PRKG1: variants seen among roughly 807,000 people sequenced by gnomAD.
PRKG1 encodes protein kinase cGMP-dependent 1, also known as cGMP-dependent protein kinase 1.
PRKG1 carries 35 observed loss-of-function variants against 88.1 expected under a neutral mutation model. The observed-to-expected ratio is 0.40, with a 90% CI of 0.30 to 0.53. The LOEUF is 0.53. Among genes scored for constraint, PRKG1 ranks in the 20% least tolerant of loss-of-function variants. PRKG1 has a pLI of 0.59. For synonymous variants in PRKG1, 303 were observed against 292.5 expected (o/e 1.04, Z -0.37); for missense variants, 540 against 839.8 (o/e 0.64, Z 4.41).
intron 1 of PRKG1, among the ~76,000 whole-genome samples, chr10:51,056,617 G>A (rs1843629153): frequency 1.3e-5 from 2 of 152,060 alleles, no homozygotes; most frequent in African/African-American, 4.8e-5. Flanking sequence ...TTGACATCAT[G>A]CTGTTGGAAT....
At chr10:51,264,773 G>C (rs1438678057) in intron 2 of PRKG1, among the ~76,000 whole-genome samples, 1 of 152,196 alleles carries the variant, frequency 6.6e-6, no homozygotes, top group Non-Finnish European at 1.5e-5. Flanking sequence ...ACATGTCTTT[G>C]AATGTTGTCT....
chr10:50,995,508 T>C (rs984293209), intron 1 of PRKG1, among the ~76,000 whole-genome samples: 2 of 152,194 alleles, frequency 1.3e-5, no homozygotes, highest in Non-Finnish European at 2.9e-5. Flanking sequence ...GCAAGCTGTT[T>C]TGGATGATGG....
chr10:52,096,077 T>A (rs1847164124), intron 7 of PRKG1, among the ~76,000 whole-genome samples: 1 of 152,132 alleles, frequency 6.6e-6, no homozygotes. Context: ...CATCTGTACT[T>A]AGAGGCTGTA....
intron 9 of PRKG1, among the ~76,000 whole-genome samples, chr10:52,214,685 G>A (rs2132810731): frequency 6.6e-6 from 1 of 152,226 alleles, no homozygotes; most frequent in Non-Finnish European, 1.5e-5. Context: ...TGAAAGGAGT[G>A]GCTGTGAAGA....
chr10:52,068,009 C>G (rs1393848193), intron 7 of PRKG1, among the ~76,000 whole-genome samples: 1 of 110,000 alleles, frequency 9.1e-6, no homozygotes, highest in African/African-American at 2.6e-5. Context: ...TCGAGACCAT[C>G]CTGGCTAACA....
intron 2 of PRKG1, among the ~76,000 whole-genome samples, chr10:51,212,778 C>A (rs1303248882): frequency 1.3e-5 from 2 of 152,178 alleles, no homozygotes; most frequent in Non-Finnish European, 2.9e-5. Context: ...TACCATCTCA[C>A]ACCAGTTAGA....
chr10:51,413,277 C>T (rs910116016), intron 2 of PRKG1, among the ~76,000 whole-genome samples: 8 of 152,130 alleles, frequency 5.3e-5, no homozygotes, highest in Admixed American at 1.3e-4. Context: ...CCCACATAAA[C>T]ACTAACACAA....
At chr10:52,104,266 A>G (rs1176629935) in intron 7 of PRKG1, among the ~76,000 whole-genome samples, 1 of 151,970 alleles carries the variant, frequency 6.6e-6, no homozygotes, top group African/African-American at 2.4e-5. Context: ...GATAAAATGC[A>G]TTTAACTTAC....
intron 2 of PRKG1, among the ~76,000 whole-genome samples, chr10:51,373,132 C>T (rs1369999874): frequency 4.6e-5 from 7 of 152,096 alleles, no homozygotes; most frequent in Admixed American, 4.6e-4. Context: ...GGCAATATAG[C>T]ATAGTGGTTT....
intron 3 of PRKG1, among the ~76,000 whole-genome samples, chr10:51,618,294 A>G (rs571011134): frequency 3.0e-4 from 46 of 152,304 alleles, no homozygotes; most frequent in African/African-American, 1.0e-3. Context: ...GGGAATAGCC[A>G]TGGTCCAGAA....
intron 1 of PRKG1, among the ~76,000 whole-genome samples, chr10:51,004,192 G>T (rs749722735): frequency 1.3e-5 from 2 of 152,096 alleles, no homozygotes; most frequent in Non-Finnish European, 2.9e-5. Context: ...GGCCGGGCAC[G>T]GTGGCTCATG....
At chr10:52,292,584 G>A (rs1316341174) in intron 17 of PRKG1, among the ~76,000 whole-genome samples, 28 of 149,530 alleles carry the variant, frequency 1.9e-4, no homozygotes, top group Admixed American at 6.0e-4. Context: ...GATATGCGGC[G>A]TTATTTCTGA....
intron 2 of PRKG1, among the ~76,000 whole-genome samples, chr10:51,204,974 A>G (rs892466274): frequency 6.6e-6 from 1 of 151,942 alleles, no homozygotes; most frequent in South Asian, 2.1e-4. Context: ...GTACTTTCCC[A>G]TGCTGTTGGA....
chr10:51,053,769 G>T (rs1436843960), intron 1 of PRKG1, among the ~76,000 whole-genome samples: 5 of 71,642 alleles, frequency 7.0e-5, no homozygotes, highest in African/African-American at 8.3e-5. Context: ...GTAGTTATGG[G>T]TTTTTTTTGT....
chr10:51,086,143 A>G (rs1165693472), intron 1 of PRKG1, among the ~76,000 whole-genome samples: 1 of 152,246 alleles, frequency 6.6e-6, no homozygotes, highest in Non-Finnish European at 1.5e-5. Flanking sequence ...ACAAATAAGT[A>G]GATGTTACTT....
intron 9 of PRKG1, among the ~76,000 whole-genome samples, chr10:52,181,025 T>C (rs1839010338): frequency 6.6e-6 from 1 of 152,174 alleles, no homozygotes; most frequent in Non-Finnish European, 1.5e-5. Flanking sequence ...TTGGCCAGCC[T>C]GGGTGTGTGT....
At chr10:51,915,743 C>T (rs1842325195) in intron 5 of PRKG1, among the ~76,000 whole-genome samples, 1 of 152,070 alleles carries the variant, frequency 6.6e-6, no homozygotes, top group Non-Finnish European at 1.5e-5. Flanking sequence ...TTACAAGACA[C>T]TTACAGCTTA....
chr10:51,230,391 T>C (rs942564107), intron 2 of PRKG1, among the ~76,000 whole-genome samples: 2 of 152,196 alleles, frequency 1.3e-5, no homozygotes, highest in African/African-American at 4.8e-5. Flanking sequence ...AAGTATTTAC[T>C]TTTCACATTA....
chr10:51,160,973 T>C (rs919055179), intron 2 of PRKG1, among the ~76,000 whole-genome samples: 6 of 152,112 alleles, frequency 3.9e-5, no homozygotes, highest in African/African-American at 1.4e-4. Context: ...TTAGATTATC[T>C]TTACATTGAT....
Sources: allele counts gnomAD v4.1 joint callset (sites outside exome capture counted in the v4.1 genomes callset), GRCh38; gene constraint gnomAD v4.1.1; transcripts MANE v1.5; gene names NCBI Gene and HGNC (gene_info 2026-07-23, HGNC 2026-07-21).